Variants in GIT2 observed in about 807,000 individuals in gnomAD.
The protein encoded by GIT2 is GIT ArfGAP 2.
In GIT2, 32 loss-of-function variants were observed where a neutral mutation model predicts 100.3. The observed-to-expected ratio is 0.32, with a 90% confidence interval of 0.24 to 0.43. The LOEUF (loss-of-function observed/expected upper bound fraction) is 0.43. GIT2 is among the 20% of genes least tolerant of loss of function. The pLI is 1.00. For synonymous variants in GIT2, 353 were observed against 364.1 expected (o/e 0.97, Z 0.35); for missense variants, 737 against 975.1 (o/e 0.76, Z 3.25).
At chr12:109,981,177 G>C (rs1886240584) in intron 6 of GIT2, 131 bp from the exon 7 acceptor site, 1 of 680,694 alleles carries the variant, frequency 1.5e-6, no homozygotes, top group Non-Finnish European at 2.7e-6. Flanking sequence ...CAACCTTCTT[G>C]TGGTAGGTAG....
chr12:109,970,477 A>C (rs761985400), intron 7 of GIT2, among the ~76,000 whole-genome samples: 17 of 152,206 alleles, frequency 1.1e-4, no homozygotes, highest in Non-Finnish European at 2.2e-4. Flanking sequence ...TGGGTGACAG[A>C]GCAAGACTCC....
At chr12:109,992,369 A>G (rs562307877) in intron 1 of GIT2, among the ~76,000 whole-genome samples, 1 of 151,776 alleles carries the variant, frequency 6.6e-6, no homozygotes, top group East Asian at 1.9e-4. Context: ...TTGGTCTCAA[A>G]CTCCTGACCT....
intron 18 of GIT2, among the ~76,000 whole-genome samples, chr12:109,938,112 C>T (rs1040121367): frequency 3.3e-5 from 5 of 152,234 alleles, no homozygotes; most frequent in African/African-American, 1.2e-4. Flanking sequence ...CTAGCATTGT[C>T]ACCACCCTAA....
At chr12:109,988,863 A>AG in intron 4 of GIT2, 100 bp downstream of exon 4, 1 of 601,180 alleles carries the variant, frequency 1.7e-6, no homozygotes, top group East Asian at 3.1e-5. Context: ...AAAAAAAAAA[A>AG]AAAAAAAAGC....
rs574995896 is a variant in GIT2, at chr12:109,952,915, A to G, written c.1242+177T>C. The G allele has an allele frequency of 4.8e-4, 300 of 619,344 alleles. 1 individual carries two copies. Among genetic ancestry groups the G allele is most frequent in the Non-Finnish European group, 7.9e-4 (277 of 351,488 alleles). 38.4% of individuals were successfully genotyped at this position (619,344 alleles called of 1,614,324 possible). A position where few individuals can be genotyped will look rare whatever the true frequency, so the allele number is the denominator to read the frequency against. On this transcript the variant is annotated intron_variant, in intron 13 of 19. Transcript: ENST00000355312. ...TCCTCACAAGTTTTATAAAGTCTCA[A>G]CTGCAGCAGGGCTGTGATGCAGGGA...
upstream of GIT2, chr12:109,999,638 G>A: frequency 1.4e-6 from 2 of 1,444,686 alleles, no homozygotes; most frequent in South Asian, 1.3e-5. The surrounding 1 kb of genome is among the most constrained non-coding windows in gnomAD (Gnocchi z 4.3). Flanking sequence ...AGACCCCGCC[G>A]GGGCCGAGAC....
At chr12:109,979,928 C>T (rs1438055958) in intron 7 of GIT2, among the ~76,000 whole-genome samples, 1 of 152,178 alleles carries the variant, frequency 6.6e-6, no homozygotes, top group African/African-American at 2.4e-5. Flanking sequence ...CTTTAAAGGG[C>T]CAAATAGTAA....
intron 12 of GIT2, among the ~76,000 whole-genome samples, 165 bp downstream of exon 12, chr12:109,959,682 C>T (rs1267549319): frequency 2.0e-5 from 3 of 152,120 alleles, no homozygotes; most frequent in African/African-American, 7.2e-5. Flanking sequence ...CAAGCCTGCA[C>T]ATTCTGCACA....
intron 3 of GIT2, 42 bp from the exon 4 acceptor site, chr12:109,989,110 TACA>T: frequency 8.8e-7 from 1 of 1,138,980 alleles, no homozygotes; most frequent in Non-Finnish European, 1.3e-6. Context: ...CTCGTTCAGA[TACA>T]ACAATCCCCA....
intron 17 of GIT2, chr12:109,938,844 C>T (rs949968009): frequency 7.9e-5 from 39 of 495,100 alleles, no homozygotes; most frequent in South Asian, 5.2e-4. Flanking sequence ...TAAAGCCATC[C>T]TCAGGTGGGC....
rs1871808034 is a variant in GIT2, at chr12:109,932,417, A to G, written c.*561T>C. 1 of 153,316 alleles carries G rather than the reference A, an allele frequency of 6.5e-6. No homozygotes were observed. Among genetic ancestry groups the G allele is most frequent in the Non-Finnish European group, 1.5e-5 (1 of 68,844 alleles). The allele number at this position is 153,316 out of a possible 1,614,324, so 9.5% of individuals were successfully genotyped here. ...TAAAACACTGAGAAGAAATGAACCA[A>G]TTCATTGTTTCCTCCCAAGAGAGAC... On this transcript the variant is annotated 3_prime_UTR_variant, in exon 20 of 20. Coordinates refer to ENST00000355312, the MANE Select transcript of GIT2 (RefSeq NM_057169.5).
intron 12 of GIT2, among the ~76,000 whole-genome samples, chr12:109,957,003 G>A (rs1176359161): frequency 6.6e-6 from 1 of 150,542 alleles, no homozygotes; most frequent in African/African-American, 2.4e-5. Flanking sequence ...GGGCGACAGA[G>A]TGAGACTCGT....
chr12:109,986,144 A>T (rs1476646260), intron 4 of GIT2, among the ~76,000 whole-genome samples: 2 of 151,992 alleles, frequency 1.3e-5, no homozygotes, highest in African/African-American at 4.8e-5. Context: ...ATCCTACTAA[A>T]ATTATTCCAA....
At chr12:109,983,780 A>T (rs1385813160) in intron 4 of GIT2, 86 bp from the exon 5 acceptor site, 3 of 782,442 alleles carry the variant, frequency 3.8e-6, no homozygotes, top group Non-Finnish European at 6.6e-6. Flanking sequence ...ATTTTAATAT[A>T]TGTTACATCA....
At chr12:109,978,089 T>G (rs940998312) in intron 7 of GIT2, among the ~76,000 whole-genome samples, 4 of 145,950 alleles carry the variant, frequency 2.7e-5, no homozygotes, top group African/African-American at 5.1e-5. Context: ...TTTTTTTTTT[T>G]TTTTTTTTTT....
At chr12:109,951,116 T>C in intron 14 of GIT2, 51 bp downstream of exon 14, 1 of 1,503,306 alleles carries the variant, frequency 6.7e-7, no homozygotes, top group Non-Finnish European at 9.3e-7. Flanking sequence ...GATTCTTCCT[T>C]GTACTATGGG....
chr12:109,995,906 TG>T (rs1342736039), intron 1 of GIT2, among the ~76,000 whole-genome samples: 1 of 152,160 alleles, frequency 6.6e-6, no homozygotes, highest in Non-Finnish European at 1.5e-5. Context: ...GGAGCAGCCC[TG>T]GCCCCCGTCA....
intron 4 of GIT2, among the ~76,000 whole-genome samples, chr12:109,987,686 T>C (rs1028027220): frequency 6.6e-6 from 1 of 152,076 alleles, no homozygotes; most frequent in Admixed American, 6.5e-5. Context: ...CAGGCTGGTC[T>C]TGAACTTCTG....
chr12:109,952,664 T>A, intron 13 of GIT2: 1 of 516,774 alleles, frequency 1.9e-6, no homozygotes, highest in Non-Finnish European at 3.9e-6. Context: ...AGCTGTCCTA[T>A]GACACAGCCC....
Sources: allele counts gnomAD v4.1 joint callset (sites outside exome capture counted in the v4.1 genomes callset), GRCh38; gene constraint gnomAD v4.1.1; non-coding constraint Gnocchi (gnomAD v3.1); transcripts MANE v1.5; gene names NCBI Gene and HGNC (gene_info 2026-07-23, HGNC 2026-07-21).